Variants in CABLES1 observed in about 807,000 individuals in gnomAD.
The protein encoded by CABLES1 is Cdk5 and Abl enzyme substrate 1, also known as CDK5 and ABL1 enzyme substrate 1.
Under a neutral mutation model 57.8 loss-of-function variants are expected in CABLES1, and 36 were observed. The observed-to-expected ratio is 0.62, with a 90% confidence interval of 0.48 to 0.82. The LOEUF (loss-of-function observed/expected upper bound fraction) is 0.82, where lower values mean the gene tolerates loss of function less well. Ranked by LOEUF, CABLES1 falls within the 40% of genes least tolerant of loss-of-function variation. The pLI is 0.00. For synonymous variants in CABLES1, 374 were observed against 363.0 expected (o/e 1.03, Z -0.35); for missense variants, 767 against 836.6 (o/e 0.92, Z 1.03).
chr18:23,193,487 C>G (rs1163718890), intron 2 of CABLES1, among the ~76,000 whole-genome samples: 2 of 152,176 alleles, frequency 1.3e-5, no homozygotes, highest in Non-Finnish European at 2.9e-5. Context: ...CCACCACGCC[C>G]CAGCCCAGAA....
intron 8 of CABLES1, among the ~76,000 whole-genome samples, 189 bp downstream of exon 8, chr18:23,253,255 G>A (rs2048083280): frequency 6.6e-6 from 1 of 152,194 alleles, no homozygotes. Flanking sequence ...GGCCGAAGTG[G>A]GCGGATCACC....
intron 4 of CABLES1, among the ~76,000 whole-genome samples, chr18:23,231,317 A>G (rs1177036451): frequency 5.3e-5 from 8 of 152,246 alleles, no homozygotes; most frequent in Admixed American, 5.2e-4. Context: ...TCAGTTTCTC[A>G]GTCAACTGTT....
intron 1 of CABLES1, among the ~76,000 whole-genome samples, chr18:23,177,885 C>A (rs1029474253): frequency 3.3e-5 from 5 of 152,180 alleles, no homozygotes; most frequent in African/African-American, 9.6e-5. Context: ...GTGCTGCATT[C>A]CCAGCCACCC....
At chr18:23,233,271 G>A (rs754361661) in intron 4 of CABLES1, among the ~76,000 whole-genome samples, 6 of 152,182 alleles carry the variant, frequency 3.9e-5, no homozygotes, top group Non-Finnish European at 8.8e-5. Flanking sequence ...CTGATATGTG[G>A]CAAATTTTAA....
chr18:23,187,799 A>G (rs894160484), intron 1 of CABLES1, among the ~76,000 whole-genome samples: 1 of 152,166 alleles, frequency 6.6e-6, no homozygotes, highest in Non-Finnish European at 1.5e-5. Context: ...TGTCTTAGAA[A>G]AGCCAAACAA....
chr18:23,242,186 G>A (rs2047752526), intron 7 of CABLES1, among the ~76,000 whole-genome samples: 2 of 152,186 alleles, frequency 1.3e-5, no homozygotes, highest in African/African-American at 4.8e-5. Context: ...GCTGAGGCAG[G>A]AGAATCGCTT....
chr18:23,192,140 A>G (rs545789481), intron 2 of CABLES1, among the ~76,000 whole-genome samples: 2 of 152,288 alleles, frequency 1.3e-5, no homozygotes, highest in African/African-American at 4.8e-5. Flanking sequence ...ATGCGTCATG[A>G]GAGGACTTGG....
rs1568080123 is a variant in CABLES1, at chr18:23,236,010, C to A, written c.1301C>A (p.Ser434Tyr). Reference sequence around the variant, plus strand: ...CGTAACCTGAGCCACCGCAGCCTCTCCATAGGCCGGGCAAGCGGCACCCAG... The same window carrying A: ...CGTAACCTGAGCCACCGCAGCCTCTACATAGGCCGGGCAAGCGGCACCCAG... ...QFRNLSHRSL[S>Y]IGRASGTQGS... Residue 434 changes from serine to tyrosine, a missense_variant, in exon 6 of 10, where the codon TCC (serine) becomes TAC (tyrosine). Around this residue, in one of 4 missense-constraint regions of CABLES1, gnomAD observed 529 missense variants for 622.8 expected, o/e 0.85. Coordinates refer to ENST00000256925, the MANE Select transcript of CABLES1 (RefSeq NM_001100619.3). 2.5e-6 allele frequency: 4 copies of A among 1,614,240 alleles called. No homozygotes were observed. The highest frequency in any genetic ancestry group is 2.2e-5 in the East Asian group (1 of 44,890).
chr18:23,160,245 G>C (rs2046994353), intron 1 of CABLES1, among the ~76,000 whole-genome samples: 1 of 151,968 alleles, frequency 6.6e-6, no homozygotes, highest in African/African-American at 2.4e-5. Flanking sequence ...CACTATGTTG[G>C]CCAGGCTGGT....
chr18:23,238,395 A>ATGCATTTAG (rs2047658384), intron 7 of CABLES1, among the ~76,000 whole-genome samples: 1 of 152,222 alleles, frequency 6.6e-6, no homozygotes, highest in Non-Finnish European at 1.5e-5. Flanking sequence ...CGGCGTCAGA[A>ATGCATTTAG]TGCATTTAGT....
intron 3 of CABLES1, among the ~76,000 whole-genome samples, chr18:23,207,637 A>G (rs2047373799): frequency 6.6e-6 from 1 of 152,102 alleles, no homozygotes; most frequent in Non-Finnish European, 1.5e-5. Flanking sequence ...TCATCATCAG[A>G]TCCCCAGCAC....
intron 4 of CABLES1, among the ~76,000 whole-genome samples, chr18:23,216,138 A>G (rs1215480414): frequency 2.0e-5 from 3 of 152,240 alleles, no homozygotes; most frequent in Middle Eastern, 3.4e-3. Context: ...TGTTTCTTTA[A>G]TTTGGCTTCT....
rs937182050 is a variant in CABLES1, at chr18:23,253,151, C to A, written c.1553+85C>A. Reference sequence around the variant, plus strand: ...TAAGCTTGTCATCTGTCCAGTGGTCCTTCCTGTGGTTCCAGTGATTGAGTC... The same window carrying A: ...TAAGCTTGTCATCTGTCCAGTGGTCATTCCTGTGGTTCCAGTGATTGAGTC... On this transcript the variant is annotated intron_variant, in intron 8 of 9. Transcript: ENST00000256925. 9 of 762,658 alleles carry A rather than the reference C, an allele frequency of 1.2e-5. No individual in the cohort carries two copies. In the African/African-American group the frequency reaches 1.4e-4, roughly 12 times the overall value. The allele number at this position is 762,658 out of a possible 1,614,324, so 47.2% of individuals were successfully genotyped here. A position where few individuals can be genotyped will look rare whatever the true frequency, so the allele number is the denominator to read the frequency against.
chr18:23,139,964 G>A (rs1000601513), intron 1 of CABLES1, among the ~76,000 whole-genome samples: 12 of 152,230 alleles, frequency 7.9e-5, no homozygotes, highest in African/African-American at 2.4e-4. Context: ...TAGCCTCTTC[G>A]TTTGCATCCC....
At position 23,135,905 on chromosome 18, in the gene CABLES1, C is replaced by T; in HGVS notation, c.143C>T (p.Pro48Leu). 1.9e-6 allele frequency: 2 copies of T among 1,077,978 alleles called. No homozygotes were observed. Among genetic ancestry groups the T allele is most frequent in the Non-Finnish European group, 2.2e-6 (2 of 893,738 alleles). 66.8% of individuals were successfully genotyped at this position (1,077,978 alleles called of 1,614,324 possible). A position where few individuals can be genotyped will look rare whatever the true frequency, so the allele number is the denominator to read the frequency against. ...GCGGCCGCCGCGCCGGCCCAGCCGC[C>T]GCCCGAACCCCCCCGGAAGCCGCGC... ...QPAAAAPAQP[P>L]PEPPRKPRMD... is the part of the protein sequence containing the mutation. Residue 48 changes from proline (P) to leucine (L), a missense_variant, in exon 1 of 10, where the codon CCG becomes CTG. Transcript: ENST00000256925.
At chr18:23,176,346 T>A (rs1220470052) in intron 1 of CABLES1, among the ~76,000 whole-genome samples, 1 of 152,134 alleles carries the variant, frequency 6.6e-6, no homozygotes, top group Non-Finnish European at 1.5e-5. Context: ...GGCTTGGCGC[T>A]CCTGTGAGAA....
At chr18:23,256,152 T>C (rs1428520377) in intron 9 of CABLES1, among the ~76,000 whole-genome samples, 1 of 152,216 alleles carries the variant, frequency 6.6e-6, no homozygotes, top group Non-Finnish European at 1.5e-5. Flanking sequence ...ACATCTGCTC[T>C]GTGGGTAGGA....
intron 1 of CABLES1, among the ~76,000 whole-genome samples, chr18:23,181,069 GAA>G (rs2047162094): frequency 6.6e-6 from 1 of 152,154 alleles, no homozygotes; most frequent in African/African-American, 2.4e-5. Flanking sequence ...CTATAAGGTT[GAA>G]GTGGGACTTC....
rs200360924 is a variant in CABLES1, at chr18:23,253,802, G to A, written c.1627G>A (p.Val543Ile). Residue 543 changes from valine (V) to isoleucine (I), a missense_variant, in exon 9 of 10, where the codon GTC becomes ATC. Coordinates refer to ENST00000256925, the MANE Select transcript of CABLES1 (RefSeq NM_001100619.3). ...GGAGCCCACGGTGGCCATGGCCTTCGTCTACTTTGAAAAGCTCGCCCTCAA... is the reference window on the plus strand; with the variant it reads ...GGAGCCCACGGTGGCCATGGCCTTCATCTACTTTGAAAAGCTCGCCCTCAA... ...LEEPTVAMAF[V>I]YFEKLALKGK... The A allele has an allele frequency of 4.3e-5, 70 of 1,614,114 alleles. No individual in the cohort carries two copies. The highest frequency in any genetic ancestry group is 2.7e-4 in the Admixed American group (16 of 60,008).
Sources: allele counts gnomAD v4.1 joint callset (sites outside exome capture counted in the v4.1 genomes callset), GRCh38; gene constraint gnomAD v4.1.1; regional missense constraint gnomAD v4.1.1; transcripts MANE v1.5; gene names NCBI Gene and HGNC (gene_info 2026-07-23, HGNC 2026-07-21).